The following FUT9 variants were observed in gnomAD, a reference collection of about 807,000 sequenced individuals.
The protein encoded by FUT9 is fucosyltransferase 9.
In FUT9, 15 loss-of-function variants were observed where a neutral mutation model predicts 29.7. That is an observed-to-expected ratio of 0.51 (90% CI 0.34 to 0.78). The LOEUF (loss-of-function observed/expected upper bound fraction) is 0.78, where lower values mean the gene tolerates loss of function less well. Among genes scored for constraint, FUT9 ranks in the 30% least tolerant of loss-of-function variants. The pLI is 0.01. For synonymous variants in FUT9, 169 were observed against 153.7 expected (o/e 1.10, Z -0.74); for missense variants, 319 against 425.4 (o/e 0.75, Z 2.20).
chr6:96,073,407 C>G (rs917497419), intron 1 of FUT9, among the ~76,000 whole-genome samples: 15 of 150,818 alleles, frequency 9.9e-5, no homozygotes, highest in African/African-American at 2.0e-4. Flanking sequence ...TGAGATTATG[C>G]CACTGCACTC....
chr6:96,028,011 AG>A (rs1203871836), intron 1 of FUT9, among the ~76,000 whole-genome samples: 2 of 151,658 alleles, frequency 1.3e-5, no homozygotes, highest in Non-Finnish European at 3.0e-5. Context: ...AGGAATAAAA[AG>A]GTTGGAGTGA....
chr6:96,161,321 G>C (rs1183100145), intron 2 of FUT9, among the ~76,000 whole-genome samples: 6 of 152,124 alleles, frequency 3.9e-5, no homozygotes, highest in Non-Finnish European at 8.8e-5. Context: ...AGCCGATACA[G>C]TTAGAAGATG....
intron 1 of FUT9, among the ~76,000 whole-genome samples, chr6:96,066,341 TAAA>T (rs57586282): frequency 7.9e-5 from 12 of 151,490 alleles, no homozygotes; most frequent in Non-Finnish European, 1.3e-4. Context: ...GAAATTTAAA[TAAA>T]AATCTAGAAC....
chr6:96,039,362 A>G (rs1225701888), intron 1 of FUT9, among the ~76,000 whole-genome samples: 1 of 152,118 alleles, frequency 6.6e-6, no homozygotes, highest in African/African-American at 2.4e-5. Flanking sequence ...AACAACAATC[A>G]CGTTCGTGCT....
chr6:96,180,605 T>A (rs1312553330), intron 2 of FUT9, among the ~76,000 whole-genome samples: 1 of 152,024 alleles, frequency 6.6e-6, no homozygotes, highest in Non-Finnish European at 1.5e-5. Context: ...TTCACCAACC[T>A]TTGGCTATCC....
chr6:96,058,260 T>C (rs1425778692), intron 1 of FUT9, among the ~76,000 whole-genome samples: 1 of 152,066 alleles, frequency 6.6e-6, no homozygotes, highest in Admixed American at 6.6e-5. Context: ...GCATTCATTG[T>C]TCAAAGGGTT....
chr6:96,018,012 T>C (rs931757653), intron 1 of FUT9, among the ~76,000 whole-genome samples: 15 of 152,190 alleles, frequency 9.9e-5, no homozygotes, highest in Admixed American at 3.9e-4. Flanking sequence ...GTGTAAGACA[T>C]AGGCAGAAAT....
chr6:96,104,483 T>A (rs568580975), intron 1 of FUT9, among the ~76,000 whole-genome samples: 1 of 152,344 alleles, frequency 6.6e-6, no homozygotes, highest in East Asian at 1.9e-4. Context: ...AGGACATTGA[T>A]GAAAAATGTT....
At chr6:96,079,718 G>A (rs992416478) in intron 1 of FUT9, among the ~76,000 whole-genome samples, 2 of 151,716 alleles carry the variant, frequency 1.3e-5, no homozygotes, top group Non-Finnish European at 2.9e-5. Context: ...ACCTCCATCA[G>A]AAAAAGCAAC....
At chr6:96,172,160 A>G (rs117632655) in intron 2 of FUT9, among the ~76,000 whole-genome samples, 1,866 of 152,216 alleles carry the variant, frequency 0.012, 14 homozygotes, top group Non-Finnish European at 0.02. Context: ...ATCACAAGGC[A>G]CTAATTCTAT....
At chr6:96,043,524 T>C (rs1027804785) in intron 1 of FUT9, among the ~76,000 whole-genome samples, 12 of 152,330 alleles carry the variant, frequency 7.9e-5, no homozygotes, top group Admixed American at 5.2e-4. Context: ...TATTTGAACA[T>C]TTTCTGTCTA....
chr6:96,194,432 A>C (rs557507425), intron 2 of FUT9, among the ~76,000 whole-genome samples: 2 of 152,280 alleles, frequency 1.3e-5, no homozygotes, highest in Admixed American at 1.3e-4. Context: ...AGGGAGCACT[A>C]GGTGGACCAC....
intron 2 of FUT9, among the ~76,000 whole-genome samples, chr6:96,142,465 T>C (rs552152039): frequency 6.6e-6 from 1 of 152,246 alleles, no homozygotes; most frequent in South Asian, 2.1e-4. Context: ...AGAGGCCAAA[T>C]ACCAGAAGAT....
chr6:96,090,177 T>G (rs1771387081), intron 1 of FUT9, among the ~76,000 whole-genome samples: 1 of 152,118 alleles, frequency 6.6e-6, no homozygotes, highest in Non-Finnish European at 1.5e-5. Context: ...ACATACAATT[T>G]TTTGGGGGAT....
intron 1 of FUT9, among the ~76,000 whole-genome samples, chr6:96,094,573 T>C (rs1048589214): frequency 1.3e-5 from 2 of 152,100 alleles, no homozygotes; most frequent in South Asian, 4.1e-4. Flanking sequence ...ATATATTGGG[T>C]TGGTACTATC....
intron 1 of FUT9, among the ~76,000 whole-genome samples, chr6:96,030,398 T>A (rs2127926144): frequency 6.6e-6 from 1 of 151,506 alleles, no homozygotes; most frequent in South Asian, 2.1e-4. Flanking sequence ...TTAAAAAAAT[T>A]AAAATCAGAG....
chr6:96,179,535 AT>A (rs543359870), intron 2 of FUT9, among the ~76,000 whole-genome samples: 1 of 151,964 alleles, frequency 6.6e-6, no homozygotes, highest in Non-Finnish European at 1.5e-5. Flanking sequence ...TACTTTAACA[AT>A]TTTTTTTGCT....
Position 96,203,861 on chromosome 6 carries a change from T to C in FUT9, c.706T>C (p.Ser236Pro). ...VNDKNLIPTI[S>P]TCKFYLSFEN... is the part of the protein sequence containing the mutation. ...TGATAAAAATTTGATTCCTACCATA[T>C]CTACTTGTAAATTTTATCTTTCCTT... Residue 236 changes from serine to proline, a missense_variant, in exon 3 of 3, where the codon TCT (serine) becomes CCT (proline). Coordinates refer to ENST00000302103, the MANE Select transcript of FUT9 (RefSeq NM_006581.4). The C allele has an allele frequency of 6.2e-7, 1 of 1,611,438 alleles. No homozygotes were observed. The highest frequency in any genetic ancestry group is 8.5e-7 in the Non-Finnish European group (1 of 1,177,848).
At chr6:96,184,410 T>C (rs1231068171) in intron 2 of FUT9, among the ~76,000 whole-genome samples, 1 of 152,026 alleles carries the variant, frequency 6.6e-6, no homozygotes, top group Non-Finnish European at 1.5e-5. Context: ...TTGTTTTATA[T>C]ATCTTTTGTT....
Sources: allele counts gnomAD v4.1 joint callset (sites outside exome capture counted in the v4.1 genomes callset), GRCh38; gene constraint gnomAD v4.1.1; transcripts MANE v1.5; gene names NCBI Gene and HGNC (gene_info 2026-07-23, HGNC 2026-07-21).